Variants in CMIP observed in about 807,000 individuals in gnomAD.
CMIP encodes the protein c-Maf inducing protein.
Under a neutral mutation model 97.3 loss-of-function variants are expected in CMIP, and 13 were observed. That is an observed-to-expected ratio of 0.13 (90% CI 0.09 to 0.21). CMIP has a LOEUF of 0.21. Ranked by LOEUF, CMIP falls within the 10% of genes least tolerant of loss-of-function variation. The pLI is 1.00. For missense variants in CMIP, 847 were observed against 1,024.9 expected, an observed-to-expected ratio of 0.83 and a Z score of 2.37; for synonymous variants, 538 against 436.3, an observed-to-expected ratio of 1.23 and a Z score of -2.91.
At chr16:81,478,096 A>G (rs1276130037) in intron 1 of CMIP, among the ~76,000 whole-genome samples, 2 of 152,230 alleles carry the variant, frequency 1.3e-5, no homozygotes, top group Non-Finnish European at 2.9e-5. Context: ...CACGCTAGCC[A>G]TCTCTGCCAC....
chr16:81,458,168 A>T (rs1467453997), intron 1 of CMIP, among the ~76,000 whole-genome samples: 2 of 152,172 alleles, frequency 1.3e-5, no homozygotes, highest in East Asian at 3.8e-4. Context: ...GAGAGGGGAT[A>T]GGGACCCTGG....
chr16:81,703,744 C>T, intron 17 of CMIP, 195 bp from the exon 18 acceptor site: 1 of 658,840 alleles, frequency 1.5e-6, no homozygotes, highest in South Asian at 2.0e-5. Context: ...GGATGCGTGG[C>T]AGCCCCTCCC....
intron 3 of CMIP, among the ~76,000 whole-genome samples, chr16:81,647,125 C>G (rs2092372510): frequency 1.3e-5 from 2 of 152,234 alleles, no homozygotes; most frequent in Admixed American, 1.3e-4. Context: ...TTGGCGTTGT[C>G]TGTCATTTTC....
chr16:81,703,833 A>G lies in CMIP; in HGVS notation c.1945-106A>G, dbSNP rs141353388. 1,828 of 1,406,008 alleles carry G rather than the reference A, an allele frequency of 1.3e-3. 45 individuals are homozygous for G. In the East Asian group the frequency reaches 0.043, roughly 33 times the overall value. 87.1% of individuals were successfully genotyped at this position (1,406,008 alleles called of 1,614,324 possible). The stretch of plus-strand genomic sequence containing the variant: ...CTGGGATTTACCGCCCCCCAGGAAC[A>G]GCTCTCTGTAGGGCGAGGGGAGAGG... On this transcript the variant is annotated intron_variant, in intron 17 of 20. Transcript: ENST00000537098.
At chr16:81,505,085 C>T (rs1033214524) in intron 1 of CMIP, among the ~76,000 whole-genome samples, 4 of 152,220 alleles carry the variant, frequency 2.6e-5, no homozygotes, top group East Asian at 3.8e-4. Flanking sequence ...GCACATCAGT[C>T]GGGAGCCTTG....
At chr16:81,685,822 C>A (rs760158650) in intron 10 of CMIP, among the ~76,000 whole-genome samples, 6 of 152,092 alleles carry the variant, frequency 3.9e-5, no homozygotes, top group Non-Finnish European at 8.8e-5. Flanking sequence ...CCTCAGCCTC[C>A]CAAAGTGCTG....
chr16:81,465,247 G>C (rs1263759194), intron 1 of CMIP, among the ~76,000 whole-genome samples: 1 of 152,194 alleles, frequency 6.6e-6, no homozygotes, highest in Non-Finnish European at 1.5e-5. Flanking sequence ...ATTTGCATGT[G>C]CCGTTTTTTC....
At chr16:81,449,450 G>A (rs567957628) in intron 1 of CMIP, among the ~76,000 whole-genome samples, 2 of 152,292 alleles carry the variant, frequency 1.3e-5, no homozygotes, top group South Asian at 4.1e-4. Flanking sequence ...TGTGTCACTT[G>A]CTGAGCTAAG....
intron 9 of CMIP, among the ~76,000 whole-genome samples, chr16:81,677,252 C>T (rs976313297): frequency 6.6e-6 from 1 of 152,118 alleles, no homozygotes; most frequent in African/African-American, 2.4e-5. Flanking sequence ...TTAGGAGGAT[C>T]CTGGGCTTTG....
chr16:81,709,882 G>C lies in CMIP; in HGVS notation c.*83G>C. The stretch of plus-strand genomic sequence containing the variant: ...ACAGCCGCAGAGCAGCCGGTCCTGG[G>C]GTCCCACCCTGGTGCCCTGGCTGTG... On this transcript the variant is annotated 3_prime_UTR_variant, in exon 21 of 21. Coordinates refer to ENST00000537098, the MANE Select transcript of CMIP (RefSeq NM_198390.3). The C allele has an allele frequency of 7.9e-7, 1 of 1,271,508 alleles. No homozygotes were observed. The highest frequency in any genetic ancestry group is 1.1e-6 in the Non-Finnish European group (1 of 946,920). 78.8% of individuals were successfully genotyped at this position (1,271,508 alleles called of 1,614,324 possible).
intron 2 of CMIP, chr16:81,617,108 T>G (rs1439614448): frequency 6.6e-6 from 1 of 152,350 alleles, no homozygotes; most frequent in African/African-American, 2.4e-5. Context: ...GTGGAAATGC[T>G]GGTTCCTTCT....
chr16:81,695,759 A>G (rs1906643095), intron 13 of CMIP: 1 of 152,584 alleles, frequency 6.6e-6, no homozygotes, highest in African/African-American at 2.4e-5. Context: ...GCCCATCCAC[A>G]CAGACACACA....
intron 1 of CMIP, among the ~76,000 whole-genome samples, chr16:81,458,074 G>C (rs1027823617): frequency 6.6e-6 from 1 of 152,192 alleles, no homozygotes; most frequent in Non-Finnish European, 1.5e-5. Flanking sequence ...AAGTTTTGGC[G>C]TAAGGAAAAA....
chr16:81,689,423 T>G (rs1905802434), intron 10 of CMIP, among the ~76,000 whole-genome samples: 1 of 152,260 alleles, frequency 6.6e-6, no homozygotes, highest in South Asian at 2.1e-4. Flanking sequence ...GATGAGCATT[T>G]TTTCATGTGT....
intron 1 of CMIP, among the ~76,000 whole-genome samples, chr16:81,452,551 A>G (rs905820734): frequency 2.6e-5 from 4 of 152,018 alleles, no homozygotes; most frequent in Non-Finnish European, 5.9e-5. Flanking sequence ...GGGTGGGGCG[A>G]GTGGTGGGCT....
intron 4 of CMIP, among the ~76,000 whole-genome samples, chr16:81,654,115 C>T (rs1326620982): frequency 6.6e-6 from 1 of 152,218 alleles, no homozygotes; most frequent in Admixed American, 6.5e-5. Flanking sequence ...TAAATCAGGG[C>T]AGTGCTGAGG....
chr16:81,678,637 C>CCG lies in CMIP; in HGVS notation c.1388+10_1388+11insGC. On this transcript the variant is annotated intron_variant, in intron 10 of 20. Coordinates refer to ENST00000537098, the MANE Select transcript of CMIP (RefSeq NM_198390.3). Reference sequence around the variant, plus strand: ...GAAATCCTCAAGCTGCTGTGAGTGCCCCCCCCGCGTGCCCGCCCCCGGGGC... The same window carrying CCG: ...GAAATCCTCAAGCTGCTGTGAGTGCCCGCCCCCCGCGTGCCCGCCCCCGGGGC... The CCG allele has an allele frequency of 7.1e-7, 1 of 1,417,010 alleles. No homozygotes were observed. The highest frequency in any genetic ancestry group is 9.8e-7 in the Non-Finnish European group (1 of 1,022,104). The allele number at this position is 1,417,010 out of a possible 1,614,324, so 87.8% of individuals were successfully genotyped here. A position where few individuals can be genotyped will look rare whatever the true frequency, so the allele number is the denominator to read the frequency against.
chr16:81,571,587 C>CAAA lies in CMIP; in HGVS notation c.301-35958_301-35956dup, dbSNP rs397854647. On this transcript the variant is annotated intron_variant, in intron 1 of 20. Coordinates refer to ENST00000537098, the MANE Select transcript of CMIP (RefSeq NM_198390.3). ...CAACATAGTGAGATCTCATCTCTACCAAAAAAAAAAAAAAAAAAAAAAAAT... is the reference window on the plus strand; with the variant it reads ...CAACATAGTGAGATCTCATCTCTACCAAAAAAAAAAAAAAAAAAAAAAAAAAAT... Among the ~76,000 whole-genome samples the CAAA allele has an allele frequency of 8.4e-3, 737 of 87,328 alleles. 9 individuals carry two copies. The highest frequency in any genetic ancestry group is 0.032 in the African/African-American group (667 of 21,134). 57.3% of individuals were successfully genotyped at this position (87,328 alleles called of 152,430 possible). A position where few individuals can be genotyped will look rare whatever the true frequency, so the allele number is the denominator to read the frequency against.
intron 1 of CMIP, among the ~76,000 whole-genome samples, chr16:81,524,371 G>C (rs1228673197): frequency 6.6e-6 from 1 of 152,258 alleles, no homozygotes; most frequent in Non-Finnish European, 1.5e-5. Flanking sequence ...GAGATACAGA[G>C]AGAATTATAA....
Sources: gnomAD v4.1 joint callset for allele counts (sites outside exome capture counted in the v4.1 genomes callset) on GRCh38, gnomAD v4.1.1 for gene constraint, MANE v1.5 for transcripts, NCBI Gene and HGNC (gene_info 2026-07-23, HGNC 2026-07-21) for gene names.